The following PCDHA8 variants were observed in gnomAD, a reference collection of about 807,000 sequenced individuals.
PCDHA8 encodes the protein protocadherin alpha 8.
Under a neutral mutation model 61.8 loss-of-function variants are expected in PCDHA8, and 53 were observed. That is an observed-to-expected ratio of 0.86 (90% confidence interval 0.69 to 1.08). The LOEUF (loss-of-function observed/expected upper bound fraction) is 1.08, where lower values mean the gene tolerates loss of function less well. Ranked by LOEUF, PCDHA8 falls within the 50% of genes least tolerant of loss-of-function variation. The probability of loss-of-function intolerance (pLI) is 0.00; values close to 1 mark genes in which losing one functional copy is unlikely to be tolerated. For synonymous variants in PCDHA8, 618 were observed against 556.6 expected, an observed-to-expected ratio of 1.11 and a Z score of -1.55; for missense variants, 1,293 against 1,245.0, an observed-to-expected ratio of 1.04 and a Z score of -0.58.
At chr5:140,899,974 C>A (rs2067653485) in intron 1 of PCDHA8, among the ~76,000 whole-genome samples, 1 of 151,766 alleles carries the variant, frequency 6.6e-6, no homozygotes, top group Non-Finnish European at 1.5e-5. Context: ...TGCCCAGCTA[C>A]TTTTTTGATT....
rs1021823272 is a variant in PCDHA8, at chr5:140,866,632, C to T, written c.2394+22917C>T. ...GGAGAACCTCCTGGGGTTCTGACAA[C>T]GGTGTCAAAATTTATTTATGTGTTT... On this transcript the variant is annotated intron_variant, in intron 1 of 3. Coordinates refer to ENST00000531613, the MANE Select transcript of PCDHA8 (RefSeq NM_018911.3). 22 of 152,178 alleles carry T rather than the reference C, an allele frequency of 1.4e-4. No homozygotes were observed. In the South Asian group the frequency reaches 2.9e-3, roughly 20 times the overall value. The allele number at this position is 152,178 out of a possible 1,614,324, so 9.4% of individuals were successfully genotyped here.
In PCDHA8 at chr5:140,951,110, T is replaced by A. The variant is rs1230697929; in HGVS notation, c.2395-27839T>A. Reference sequence around the variant, plus strand: ...TTTTTCTGATAAGATTTCCTTTATTTTCATTCCTTACCAATAAGTTTTCCT... The same window carrying A: ...TTTTTCTGATAAGATTTCCTTTATTATCATTCCTTACCAATAAGTTTTCCT... On this transcript the variant is annotated intron_variant, in intron 1 of 3. Transcript: ENST00000531613. Among the ~76,000 whole-genome samples, 5 of 150,004 alleles carry A rather than the reference T, an allele frequency of 3.3e-5. No homozygotes were observed. The East Asian group carries it at 9.8e-4, about 29-fold the overall frequency.
At chr5:140,930,842 T>C (rs183476886) in intron 1 of PCDHA8, among the ~76,000 whole-genome samples, 1 of 152,338 alleles carries the variant, frequency 6.6e-6, no homozygotes, top group Admixed American at 6.5e-5. Flanking sequence ...TGAATAAATA[T>C]GTGCATATAT....
At chr5:140,972,660 A>ATTTTTTTT (rs11350929) in intron 1 of PCDHA8, among the ~76,000 whole-genome samples, 1 of 117,268 alleles carries the variant, frequency 8.5e-6, no homozygotes, top group Non-Finnish European at 1.7e-5. Context: ...AAGAAACCAA[A>ATTTTTTTT]TTTTTTTTTT....
chr5:140,967,066 C>T (rs782715200), intron 1 of PCDHA8: 4 of 1,612,790 alleles, frequency 2.5e-6, no homozygotes, highest in African/African-American at 1.3e-5. Flanking sequence ...GAGCGCTCTT[C>T]GTCAACGAGC....
In PCDHA8 at chr5:140,849,449, C is replaced by T. The variant is rs200997092; in HGVS notation, c.2394+5734C>T. 81 of 1,586,124 alleles carry T rather than the reference C, an allele frequency of 5.1e-5. 9 individuals carry two copies. The highest frequency in any genetic ancestry group is 3.8e-4 in the Middle Eastern group (2 of 5,312). On this transcript the variant is annotated intron_variant, in intron 1 of 3. Coordinates refer to ENST00000531613, the MANE Select transcript of PCDHA8 (RefSeq NM_018911.3). ...TTGAAGAAAGTAGAGCACACAAGAT[C>T]CCAGTCGAGGCTGTCGATAAAGGCT...
At position 140,850,002 on chromosome 5, in the gene PCDHA8, T is replaced by G. The variant is rs2150462762; in HGVS notation, c.2394+6287T>G. The G allele has an allele frequency of 2.8e-5, 45 of 1,596,824 alleles. No homozygotes were observed. In the South Asian group the frequency reaches 3.6e-4, roughly 13 times the overall value. The stretch of plus-strand genomic sequence containing the variant: ...GGTGGAGCGGCGGTTGGGCGAGCGC[T>G]CGCTGTCGAGCTACGTGTCAGTGCA... On this transcript the variant is annotated intron_variant, in intron 1 of 3. Coordinates refer to ENST00000531613, the MANE Select transcript of PCDHA8 (RefSeq NM_018911.3).
chr5:140,906,010 C>T (rs1465949058), intron 1 of PCDHA8, among the ~76,000 whole-genome samples: 1 of 152,210 alleles, frequency 6.6e-6, no homozygotes, highest in Admixed American at 6.5e-5. Flanking sequence ...CTAAGCCAGT[C>T]TAATCTCTCC....
intron 1 of PCDHA8, among the ~76,000 whole-genome samples, chr5:140,912,495 GC>G (rs2075942069): frequency 6.6e-6 from 1 of 152,084 alleles, no homozygotes. Context: ...AGATCTAGGA[GC>G]TTTTTGGATG....
At chr5:140,968,947 C>T (rs1342316299) in intron 1 of PCDHA8, 6 of 1,614,042 alleles carry the variant, frequency 3.7e-6, no homozygotes, top group Non-Finnish European at 5.1e-6. Context: ...TCATTTTGAG[C>T]ATCATCAAGT....
chr5:140,863,449 A>G (rs1166397854), intron 1 of PCDHA8: 4 of 570,946 alleles, frequency 7.0e-6, no homozygotes, highest in Admixed American at 4.2e-5. Flanking sequence ...TACTCGCAGC[A>G]AAGGAGATTT....
At chr5:140,967,219 C>A (rs782211026) in intron 1 of PCDHA8, 2 of 1,613,772 alleles carry the variant, frequency 1.2e-6, no homozygotes, top group East Asian at 2.2e-5. Context: ...TCCCGCGGCC[C>A]AACTACCAGC....
At chr5:140,873,755 T>C (rs1273886734) in intron 1 of PCDHA8, among the ~76,000 whole-genome samples, 1 of 152,098 alleles carries the variant, frequency 6.6e-6, no homozygotes, top group African/African-American at 2.4e-5. Flanking sequence ...CCACCTCCCA[T>C]GTTCAAGCAA....
intron 1 of PCDHA8, chr5:140,851,186 T>C (rs2041985954): frequency 8.1e-7 from 1 of 1,234,476 alleles, no homozygotes; most frequent in Non-Finnish European, 1.0e-6. Context: ...TGAAAACCAA[T>C]TTAGTTGTTA....
intron 1 of PCDHA8, among the ~76,000 whole-genome samples, chr5:140,920,592 T>C (rs1226483981): frequency 6.6e-6 from 1 of 152,158 alleles, no homozygotes; most frequent in Non-Finnish European, 1.5e-5. Flanking sequence ...ACGCCTGTAA[T>C]CCCAGCACTT....
intron 1 of PCDHA8, among the ~76,000 whole-genome samples, chr5:140,886,696 C>T (rs564317930): frequency 2.0e-5 from 3 of 151,944 alleles, no homozygotes; most frequent in Non-Finnish European, 2.9e-5. Flanking sequence ...CATGGTGGCA[C>T]GCGCCTGTAA....
rs1166002941 is a variant in PCDHA8 at position 141,000,351 on chromosome 5, G to A, written c.2543-9276G>A. ...ACAGCAAGGCCCTATCTCTCTCTCT[G>A]TCTCTCTCTGTCTCTCTCTCTCTCT... On this transcript the variant is annotated intron_variant, in intron 3 of 3. Transcript: ENST00000531613. Among the ~76,000 whole-genome samples the A allele has an allele frequency of 6.0e-5, 4 of 66,852 alleles. No homozygotes were observed. The Admixed American group carries it at 6.5e-4, about 11-fold the overall frequency. 43.9% of individuals were successfully genotyped at this position (66,852 alleles called of 152,430 possible).
At chr5:140,864,213 C>T (rs1389443344) in intron 1 of PCDHA8, 1 of 152,256 alleles carries the variant, frequency 6.6e-6, no homozygotes, top group East Asian at 1.9e-4. Context: ...CAAATCTTCT[C>T]AATTTTGAAG....
Position 140,982,534 on chromosome 5 carries a change from A to G in PCDHA8, c.2513A>G (p.Gln838Arg), listed in dbSNP as rs1554244431. Residue 838 changes from glutamine (Q) to arginine (R), a missense_variant, in exon 3 of 4, where the codon CAG becomes CGG. By Grantham distance (43) the Gln-to-Arg change is conservative. Transcript: ENST00000531613. ...GCTGGTCCAGGAGGGCCTGATCAGC[A>G]GTGGCCAACAGTATCCAGTGCAACA... ...LRAGPGGPDQ[Q>R]WPTVSSATPE... 1 of 1,614,222 alleles carries G rather than the reference A, an allele frequency of 6.2e-7. No homozygotes were observed. Among genetic ancestry groups the G allele is most frequent in the Non-Finnish European group, 8.5e-7 (1 of 1,180,036 alleles).
Sources: allele counts gnomAD v4.1 joint callset (sites outside exome capture counted in the v4.1 genomes callset), GRCh38; gene constraint gnomAD v4.1.1; transcripts MANE v1.5; gene names NCBI Gene and HGNC (gene_info 2026-07-23, HGNC 2026-07-21).